Variants in ULK4 observed in about 807,000 individuals in gnomAD.
ULK4 encodes unc-51 like kinase 4.
A neutral mutation model predicts 160.6 loss-of-function variants in ULK4; 133 were observed. That is an observed-to-expected ratio of 0.83 (90% CI 0.72 to 0.96). The LOEUF (loss-of-function observed/expected upper bound fraction) is 0.96. Among genes scored for constraint, ULK4 ranks in the 40% least tolerant of loss-of-function variants. The pLI is 0.00. For synonymous variants in ULK4, 534 were observed against 539.8 expected (o/e 0.99, Z 0.15); for missense variants, 1,580 against 1,499.5 (o/e 1.05, Z -0.89).
At chr3:41,635,905 T>G (rs565983600) in intron 30 of ULK4, among the ~76,000 whole-genome samples, 1 of 152,234 alleles carries the variant, frequency 6.6e-6, no homozygotes, top group Non-Finnish European at 1.5e-5. Flanking sequence ...CCCATGTCAT[T>G]AAATATTCAT....
intron 18 of ULK4, among the ~76,000 whole-genome samples, chr3:41,831,007 A>AT (rs757743394): frequency 6.8e-6 from 1 of 146,658 alleles, no homozygotes; most frequent in Non-Finnish European, 1.5e-5. Context: ...TGTTTTTATT[A>AT]TTTTTTTTAT....
At chr3:41,490,855 T>A (rs947796258) in intron 32 of ULK4, among the ~76,000 whole-genome samples, 3 of 152,118 alleles carry the variant, frequency 2.0e-5, no homozygotes, top group Non-Finnish European at 4.4e-5. Context: ...ATGGACTACA[T>A]CTTCTAAATC....
At chr3:41,623,514 A>G (rs2033352100) in intron 30 of ULK4, among the ~76,000 whole-genome samples, 1 of 152,270 alleles carries the variant, frequency 6.6e-6, no homozygotes, top group Non-Finnish European at 1.5e-5. Flanking sequence ...GCATATGTAC[A>G]CAATGGAATA....
At chr3:41,353,415 ATT>A (rs919372260) in intron 35 of ULK4, among the ~76,000 whole-genome samples, 1 of 152,130 alleles carries the variant, frequency 6.6e-6, no homozygotes, top group Admixed American at 6.6e-5. Context: ...CATGCCTGTA[ATT>A]TCAGCATTTT....
chr3:41,923,192 A>T (rs961365775), intron 5 of ULK4, among the ~76,000 whole-genome samples: 1 of 151,610 alleles, frequency 6.6e-6, no homozygotes, highest in South Asian at 2.1e-4. Flanking sequence ...AATAAATAAT[A>T]AAAAAAATAA....
intron 21 of ULK4, among the ~76,000 whole-genome samples, chr3:41,759,300 G>A (rs1363610416): frequency 6.6e-6 from 1 of 152,122 alleles, no homozygotes; most frequent in Non-Finnish European, 1.5e-5. Flanking sequence ...TCCTATAAGT[G>A]AGTTTAGCAA....
At position 41,386,639 on chromosome 3, in the gene ULK4, C is replaced by A. The variant is rs2081818791; in HGVS notation, c.3678+11440G>T. On this transcript the variant is annotated intron_variant, in intron 35 of 36. Transcript: ENST00000301831. ...TCTAGAGCCAAACTTAGTTCACATT[C>A]CCCTGCCTCAGAGACCTATACTCAA... Among the ~76,000 whole-genome samples, 5 of 152,132 alleles carry A rather than the reference C, an allele frequency of 3.3e-5. No homozygotes were observed. The South Asian group carries it at 1.0e-3, about 32-fold the overall frequency.
intron 32 of ULK4, among the ~76,000 whole-genome samples, chr3:41,540,639 T>C (rs1380066354): frequency 6.6e-6 from 1 of 152,232 alleles, no homozygotes; most frequent in Non-Finnish European, 1.5e-5. Flanking sequence ...GTTGAACTAA[T>C]TTACACTCCC....
intron 12 of ULK4, among the ~76,000 whole-genome samples, chr3:41,903,588 G>GA (rs71075493): frequency 0.06 from 8,288 of 138,118 alleles, 429 homozygotes; most frequent in East Asian, 0.17. Context: ...CTGTCTCAAA[G>GA]AAAAAAAAAA....
At chr3:41,410,273 C>T (rs1318037825) in intron 34 of ULK4, among the ~76,000 whole-genome samples, 1 of 152,072 alleles carries the variant, frequency 6.6e-6, no homozygotes, top group East Asian at 1.9e-4. Flanking sequence ...GTGAAAACAA[C>T]TGAAATGTCC....
chr3:41,650,966 T>C (rs1440691350), intron 30 of ULK4, among the ~76,000 whole-genome samples: 1 of 152,108 alleles, frequency 6.6e-6, no homozygotes, highest in African/African-American at 2.4e-5. Flanking sequence ...TTGACCCCCA[T>C]ATCTCCTTCT....
intron 11 of ULK4, 124 bp from the exon 12 acceptor site, chr3:41,908,065 TA>T (rs1698642619): frequency 2.4e-6 from 1 of 422,362 alleles, no homozygotes; most frequent in Non-Finnish European, 3.9e-6. Context: ...ATACTGTCAC[TA>T]AAAAAGTCTA....
intron 32 of ULK4, among the ~76,000 whole-genome samples, chr3:41,561,989 T>C (rs1306611830): frequency 6.6e-6 from 1 of 152,208 alleles, no homozygotes; most frequent in Non-Finnish European, 1.5e-5. Flanking sequence ...CTTTCTCTTG[T>C]GGGCATTTAG....
In ULK4 at chr3:41,458,897, G is replaced by A. The variant is rs114270632; in HGVS notation, c.3394-3302C>T. On this transcript the variant is annotated intron_variant, in intron 33 of 36. Coordinates refer to ENST00000301831, the MANE Select transcript of ULK4 (RefSeq NM_017886.4). ...CAGCCTCCCAAGTGGCTGGGATTACGGGTCCCCGCAAGCATGACTGGCTAA... is the reference window on the plus strand; with the variant it reads ...CAGCCTCCCAAGTGGCTGGGATTACAGGTCCCCGCAAGCATGACTGGCTAA... Among the ~76,000 whole-genome samples the A allele has an allele frequency of 9.6e-3, 1,445 of 150,434 alleles. 22 individuals are homozygous for A. Among genetic ancestry groups the A allele is most frequent in the African/African-American group, 0.033 (1,355 of 40,854 alleles).
At chr3:41,953,285 C>CACATAT (rs374288098) in intron 2 of ULK4, among the ~76,000 whole-genome samples, 2,363 of 85,728 alleles carry the variant, frequency 0.028, 52 homozygotes, top group South Asian at 0.041. Flanking sequence ...CATATATACA[C>CACATAT]ATATATATAT....
At chr3:41,864,448 A>G (rs2042573186) in intron 17 of ULK4, among the ~76,000 whole-genome samples, 1 of 151,986 alleles carries the variant, frequency 6.6e-6, no homozygotes, top group Admixed American at 6.6e-5. Flanking sequence ...TGCTCACCGG[A>G]TTTTTGGTTC....
At chr3:41,370,314 G>A (rs141046412) in intron 35 of ULK4, among the ~76,000 whole-genome samples, 1 of 152,186 alleles carries the variant, frequency 6.6e-6, no homozygotes, top group Non-Finnish European at 1.5e-5. Flanking sequence ...AGAAACCAGA[G>A]ACTATCACTT....
At chr3:41,878,081 GAAAAAAA>G (rs35037891) in intron 17 of ULK4, among the ~76,000 whole-genome samples, 2 of 108,292 alleles carry the variant, frequency 1.8e-5, no homozygotes, top group Non-Finnish European at 3.8e-5. Flanking sequence ...GCTCTACCAG[GAAAAAAA>G]AAAAAAAAAA....
intron 34 of ULK4, among the ~76,000 whole-genome samples, chr3:41,401,944 T>G (rs1434711309): frequency 6.6e-6 from 1 of 152,144 alleles, no homozygotes; most frequent in Non-Finnish European, 1.5e-5. Context: ...TTTAGCACAC[T>G]AGGATCTTTT....
Sources: allele counts gnomAD v4.1 joint callset (sites outside exome capture counted in the v4.1 genomes callset), GRCh38; gene constraint gnomAD v4.1.1; transcripts MANE v1.5; gene names NCBI Gene and HGNC (gene_info 2026-07-23, HGNC 2026-07-21).